ZNF33A: variants seen among roughly 807,000 people sequenced by gnomAD.
ZNF33A encodes the protein zinc finger protein 33A, also known as brain my041 protein.
A neutral mutation model predicts 15.9 loss-of-function variants in ZNF33A; 9 were observed. The ratio of observed to expected loss-of-function variants is 0.57; its 90% CI spans 0.34 to 0.99. The LOEUF is 0.99. ZNF33A is among the 50% of genes least tolerant of loss of function. The pLI is 0.02. For synonymous variants in ZNF33A, 294 were observed against 324.2 expected (o/e 0.91, Z 1.00); for missense variants, 843 against 941.6 (o/e 0.90, Z 1.37).
intron 4 of ZNF33A, among the ~76,000 whole-genome samples, chr10:38,030,635 G>A (rs2065173287): frequency 1.3e-5 from 2 of 152,140 alleles, no homozygotes; most frequent in Admixed American, 6.5e-5. Flanking sequence ...GACTAGAGAA[G>A]GCTCCTAAGG....
At chr10:38,030,958 G>T (rs540243784) in intron 4 of ZNF33A, among the ~76,000 whole-genome samples, 2 of 152,290 alleles carry the variant, frequency 1.3e-5, no homozygotes, top group African/African-American at 4.8e-5. Context: ...CTGATTCGTG[G>T]TTGCCAGTGT....
chr10:38,056,685 G>C lies in ZNF33A; in HGVS notation c.*125G>C. The C allele has an allele frequency of 7.4e-7, 1 of 1,357,246 alleles. No homozygotes were observed. Among genetic ancestry groups the C allele is most frequent in the Non-Finnish European group, 9.5e-7 (1 of 1,057,838 alleles). The allele number at this position is 1,357,246 out of a possible 1,614,324, so 84.1% of individuals were successfully genotyped here. A position where few individuals can be genotyped will look rare whatever the true frequency, so the allele number is the denominator to read the frequency against. On this transcript the variant is annotated 3_prime_UTR_variant, in exon 5 of 5. Transcript: ENST00000432900. ...CTATGTAATATCAGATGGTTAATACGGGCATAACACCTTACAGATTTTTTT... is the reference window on the plus strand; with the variant it reads ...CTATGTAATATCAGATGGTTAATACCGGCATAACACCTTACAGATTTTTTT...
chr10:38,028,507 G>T lies in ZNF33A; in HGVS notation c.250+11121G>T, dbSNP rs1365886405. ...TTCGAGACAAAAGTCTTGCTCTGTT[G>T]CCCAGGCTGGGGTGCAGTGGTACGA... On this transcript the variant is annotated intron_variant, in intron 4 of 4. Transcript: ENST00000432900. Among the ~76,000 whole-genome samples the T allele has an allele frequency of 6.0e-5, 9 of 149,138 alleles. No homozygotes were observed. In the South Asian group the frequency reaches 1.9e-3, roughly 32 times the overall value.
In ZNF33A at chr10:38,054,486, T is replaced by C. The variant is rs2066356202; in HGVS notation, c.362T>C (p.Val121Ala). Reference sequence around the variant, plus strand: ...ATGCTGACTAAGGAACAAGGTGATGTAATAGGAATACCATTTAATGTGGAT... The same window carrying C: ...ATGCTGACTAAGGAACAAGGTGATGCAATAGGAATACCATTTAATGTGGAT... The part of the protein sequence containing the change: ...NEMLTKEQGD[V>A]IGIPFNVDVS... Residue 121 changes from valine to alanine, a missense_variant, in exon 5 of 5, where the codon GTA (valine) becomes GCA (alanine). Coordinates refer to ENST00000432900, the MANE Select transcript of ZNF33A (RefSeq NM_006954.2). 6.2e-7 allele frequency: 1 copy of C among 1,612,640 alleles called. No homozygotes were observed. The highest frequency in any genetic ancestry group is 8.5e-7 in the Non-Finnish European group (1 of 1,179,586).
At chr10:38,014,777 C>T (rs954950915) in intron 2 of ZNF33A, among the ~76,000 whole-genome samples, 11 of 152,220 alleles carry the variant, frequency 7.2e-5, no homozygotes, top group African/African-American at 2.7e-4. Flanking sequence ...GATCCTGGCT[C>T]TTCCTAGTTC....
chr10:38,010,699 C>G lies in ZNF33A; in HGVS notation c.-129C>G, dbSNP rs2064124814. The G allele has an allele frequency of 6.3e-7, 1 of 1,597,910 alleles. No homozygotes were observed. The highest frequency in any genetic ancestry group is 8.5e-7 in the Non-Finnish European group (1 of 1,179,400). ...CGTTTCCGCCTTTCCTTTTGTTTTT[C>G]TCAGGTTTTGCGTGGGAGGCGGTCC... On this transcript the variant is annotated 5_prime_UTR_variant, in exon 1 of 5. Coordinates refer to ENST00000432900, the MANE Select transcript of ZNF33A (RefSeq NM_006954.2).
intron 4 of ZNF33A, among the ~76,000 whole-genome samples, chr10:38,022,782 G>T (rs1427000004): frequency 6.6e-6 from 1 of 151,822 alleles, no homozygotes; most frequent in Admixed American, 6.6e-5. Context: ...TTTCATAAAG[G>T]TTGACATAAT....
intron 4 of ZNF33A, chr10:38,044,098 T>C (rs1471350874): frequency 2.0e-5 from 3 of 152,116 alleles, no homozygotes; most frequent in Non-Finnish European, 4.4e-5. Context: ...CATTTCTTCA[T>C]TTTTCATCAC....
In ZNF33A at chr10:38,022,129, A is replaced by G. The variant is rs2064772802; in HGVS notation, c.250+4743A>G. ...TCTGTTAAGTAGAAGGACGAAAATA[A>G]CACTGGAAGCAGAAATCAGTAAAAT... On this transcript the variant is annotated intron_variant, in intron 4 of 4. Coordinates refer to ENST00000432900, the MANE Select transcript of ZNF33A (RefSeq NM_006954.2). Among the ~76,000 whole-genome samples the G allele has an allele frequency of 2.6e-5, 4 of 152,344 alleles. No individual in the cohort carries two copies. The South Asian group carries it at 8.3e-4, about 32-fold the overall frequency.
At chr10:38,026,751 T>G (rs1206513590) in intron 4 of ZNF33A, among the ~76,000 whole-genome samples, 2 of 152,248 alleles carry the variant, frequency 1.3e-5, no homozygotes, top group African/African-American at 4.8e-5. Flanking sequence ...AACTTTATTT[T>G]CTCACTTTAT....
chr10:38,036,614 C>T (rs963575030), intron 4 of ZNF33A, among the ~76,000 whole-genome samples: 31 of 152,114 alleles, frequency 2.0e-4, no homozygotes, highest in Admixed American at 1.2e-3. Context: ...AAAAAAAAAT[C>T]TACAAGAAAC....
chr10:38,054,659 A>C lies in ZNF33A; in HGVS notation c.535A>C (p.Asn179His), dbSNP rs1404994781. 1.2e-6 allele frequency: 2 copies of C among 1,613,428 alleles called. No individual in the cohort carries two copies. The highest frequency in any genetic ancestry group is 1.7e-6 in the Non-Finnish European group (2 of 1,179,846). Residue 179 changes from asparagine to histidine, a missense_variant, in exon 5 of 5, where the codon AAT (asparagine) becomes CAT (histidine). Physicochemically the swap from Asn to His is moderately conservative, Grantham distance 68. Transcript: ENST00000432900. ...TAATGCCTGTGGGAAATTGTTACTC[A>C]ATATTAAGCATGATGAAACTCATAC... is the stretch of plus-strand genomic sequence containing the variant. Reference protein sequence around the residue: ...EFNACGKLLLNIKHDETHTQE... With the variant: ...EFNACGKLLLHIKHDETHTQE...
chr10:38,063,872 A>G (rs1215036166), downstream of ZNF33A, among the ~76,000 whole-genome samples: 1 of 152,184 alleles, frequency 6.6e-6, no homozygotes, highest in Non-Finnish European at 1.5e-5. Context: ...ACTACCCAGG[A>G]TGTGACGATT....
At chr10:38,065,370 A>G (rs1477161039), downstream of ZNF33A, among the ~76,000 whole-genome samples, 2 of 152,168 alleles carry the variant, frequency 1.3e-5, no homozygotes, top group African/African-American at 4.8e-5. Flanking sequence ...GTGCTCGGCC[A>G]GGAATGTGCT....
Position 38,017,346 on chromosome 10 carries a change from A to G in ZNF33A, c.210A>G (p.Pro70=). ...VIFRLQQGEE[P]WKQEEEFPSQ... ...TCAGGCTGCAACAAGGAGAAGAGCC[A>G]TGGAAACAGGAGGAAGAATTCCCAA... Residue 70 remains proline (P), a synonymous_variant, in exon 4 of 5, where the codon CCA becomes CCG. Coordinates refer to ENST00000432900, the MANE Select transcript of ZNF33A (RefSeq NM_006954.2). 6.2e-7 allele frequency: 1 copy of G among 1,614,094 alleles called. No homozygotes were observed. Among genetic ancestry groups the G allele is most frequent in the Non-Finnish European group, 8.5e-7 (1 of 1,179,950 alleles).
intron 3 of ZNF33A, 105 bp downstream of exon 3, chr10:38,017,120 C>T (rs1166732035): frequency 2.7e-6 from 4 of 1,494,898 alleles, no homozygotes; most frequent in African/African-American, 1.4e-5. Flanking sequence ...GGTTAGGCTT[C>T]AGGAGTCAGT....
intron 4 of ZNF33A, among the ~76,000 whole-genome samples, chr10:38,037,243 T>C (rs1351012965): frequency 2.0e-5 from 3 of 152,212 alleles, no homozygotes; most frequent in Non-Finnish European, 4.4e-5. Context: ...TTTTTGTATA[T>C]GGTGTGAGGA....
At chr10:38,052,205 G>A (rs1564872487) in intron 4 of ZNF33A, among the ~76,000 whole-genome samples, 1 of 152,000 alleles carries the variant, frequency 6.6e-6, no homozygotes. Flanking sequence ...ATCTATGTAG[G>A]AAATCTAATG....
intron 4 of ZNF33A, among the ~76,000 whole-genome samples, chr10:38,026,085 A>G (rs2064973833): frequency 6.6e-6 from 1 of 152,138 alleles, no homozygotes; most frequent in African/African-American, 2.4e-5. Flanking sequence ...TTTCAACTGT[A>G]TTGTAACAAG....
Sources: gnomAD v4.1 joint callset for allele counts (sites outside exome capture counted in the v4.1 genomes callset) on GRCh38, gnomAD v4.1.1 for gene constraint, MANE v1.5 for transcripts, NCBI Gene and HGNC (gene_info 2026-07-23, HGNC 2026-07-21) for gene names.